ME1: variants seen among roughly 807,000 people sequenced by gnomAD.
ME1 encodes NADP-dependent malic enzyme.
In ME1, 74 loss-of-function variants were observed where a neutral mutation model predicts 66.4. The ratio of observed to expected loss-of-function variants is 1.11; its 90% CI spans 0.92 to 1.35. The LOEUF is 1.35. Among genes scored for constraint, ME1 ranks in the 40% most tolerant of loss-of-function variants. The probability of loss-of-function intolerance (pLI) is 0.00; values close to 1 mark genes in which losing one functional copy is unlikely to be tolerated. For missense variants in ME1, 750 were observed against 694.1 expected, an observed-to-expected ratio of 1.08 and a Z score of -0.90; for synonymous variants, 251 against 235.6, an observed-to-expected ratio of 1.07 and a Z score of -0.60.
intron 6 of ME1, among the ~76,000 whole-genome samples, chr6:83,281,001 A>G (rs1583354713): frequency 6.6e-6 from 1 of 152,250 alleles, no homozygotes; most frequent in East Asian, 1.9e-4. Context: ...TCTCACAAAT[A>G]AAATGAAGTC....
At chr6:83,244,124 TA>T (rs1790570764) in intron 7 of ME1, among the ~76,000 whole-genome samples, 1 of 151,664 alleles carries the variant, frequency 6.6e-6, no homozygotes, top group Admixed American at 6.6e-5. Context: ...TTCTCCTACT[TA>T]AAGAGCACTG....
chr6:83,211,862 C>A lies in ME1; in HGVS notation c.*62G>T. On this transcript the variant is annotated 3_prime_UTR_variant, in exon 14 of 14. Transcript: ENST00000369705. ...ATGAATCATTATAAAAGATTCCAACCTTTAAAAATTATGAAAGGTTTAAAG... is the reference window on the plus strand; with the variant it reads ...ATGAATCATTATAAAAGATTCCAACATTTAAAAATTATGAAAGGTTTAAAG... The A allele has an allele frequency of 8.6e-7, 1 of 1,165,232 alleles. No individual in the cohort carries two copies. The highest frequency in any genetic ancestry group is 2.7e-5 in the East Asian group (1 of 36,604). 72.2% of individuals were successfully genotyped at this position (1,165,232 alleles called of 1,614,324 possible). A position where few individuals can be genotyped will look rare whatever the true frequency, so the allele number is the denominator to read the frequency against.
intron 4 of ME1, among the ~76,000 whole-genome samples, chr6:83,350,577 C>T (rs538027998): frequency 6.6e-6 from 1 of 152,158 alleles, no homozygotes; most frequent in African/African-American, 2.4e-5. Flanking sequence ...GTGATCCTCC[C>T]ACCTCAGCCT....
intron 12 of ME1, among the ~76,000 whole-genome samples, chr6:83,218,996 A>T (rs1359693735): frequency 6.6e-6 from 1 of 152,230 alleles, no homozygotes; most frequent in African/African-American, 2.4e-5. Context: ...ACTCAGAATA[A>T]TGCCTAGCAT....
chr6:83,313,141 A>G (rs1293119731), intron 6 of ME1, among the ~76,000 whole-genome samples: 1 of 152,180 alleles, frequency 6.6e-6, no homozygotes, highest in East Asian at 1.9e-4. Flanking sequence ...AATTTAAGTT[A>G]TGTTTCTTTT....
intron 2 of ME1, 31 bp downstream of exon 2, chr6:83,407,737 A>G (rs1769973081): frequency 2.0e-6 from 3 of 1,537,378 alleles, no homozygotes; most frequent in Non-Finnish European, 2.6e-6. Flanking sequence ...GCATAAGAGA[A>G]ATATAAAAAC....
chr6:83,386,793 T>G (rs943536266), intron 3 of ME1, among the ~76,000 whole-genome samples: 8 of 150,542 alleles, frequency 5.3e-5, no homozygotes, highest in Non-Finnish European at 1.0e-4. Flanking sequence ...ATATGATTAG[T>G]GCCCTTTATA....
chr6:83,296,446 G>A (rs368491075), intron 6 of ME1, among the ~76,000 whole-genome samples: 2 of 152,080 alleles, frequency 1.3e-5, no homozygotes, highest in East Asian at 1.9e-4. Flanking sequence ...ATGCAGAAAA[G>A]GCTATCGATA....
At chr6:83,239,730 G>T in intron 7 of ME1, 94 bp from the exon 8 acceptor site, 1 of 855,884 alleles carries the variant, frequency 1.2e-6, no homozygotes, top group Non-Finnish European at 1.9e-6. Context: ...CATAAAACAG[G>T]TTAACTGGTA....
At chr6:83,397,383 C>G (rs1359371300) in intron 3 of ME1, among the ~76,000 whole-genome samples, 1 of 152,126 alleles carries the variant, frequency 6.6e-6, no homozygotes, top group East Asian at 1.9e-4. Context: ...AATTGCTCAA[C>G]ATCACTAATC....
At chr6:83,220,851 T>C (rs943704250) in intron 12 of ME1, among the ~76,000 whole-genome samples, 7 of 152,134 alleles carry the variant, frequency 4.6e-5, no homozygotes, top group Non-Finnish European at 1.0e-4. Context: ...TATGGAAGAC[T>C]CTCTGTCTTT....
chr6:83,312,746 G>A (rs563917615), intron 6 of ME1, among the ~76,000 whole-genome samples: 131 of 151,978 alleles, frequency 8.6e-4, no homozygotes, highest in African/African-American at 3.1e-3. Context: ...ATCCCAATGG[G>A]TACTCCTTTT....
intron 3 of ME1, among the ~76,000 whole-genome samples, chr6:83,361,490 G>A (rs1769005938): frequency 6.6e-6 from 1 of 152,220 alleles, no homozygotes; most frequent in Non-Finnish European, 1.5e-5. Context: ...AGGCTGCTGT[G>A]CCAGCTCCTC....
At chr6:83,265,661 TTGTTTTATTG>T (rs1466598173) in intron 6 of ME1, among the ~76,000 whole-genome samples, 2 of 152,138 alleles carry the variant, frequency 1.3e-5, no homozygotes, top group African/African-American at 4.8e-5. Flanking sequence ...ATTGTAGTAT[TTGTTTTATTG>T]TGGTTGTCTG....
Position 83,297,591 on chromosome 6 carries a change from T to A in ME1, c.704+17719A>T, listed in dbSNP as rs186212172. 1.7e-3 allele frequency among the ~76,000 whole-genome samples: 197 copies of A among 117,514 alleles called. 2 individuals are homozygous for A. The highest frequency in any genetic ancestry group is 3.0e-3 in the African/African-American group (69 of 22,764). The allele number at this position is 117,514 out of a possible 152,430, so 77.1% of individuals were successfully genotyped here. On this transcript the variant is annotated intron_variant, in intron 6 of 13. Transcript: ENST00000369705. ...ACGACCATCTAATCTTCTTTTTTTT[T>A]AAATATTATTTAAGTTCCAGGATAC...
intron 3 of ME1, among the ~76,000 whole-genome samples, chr6:83,380,515 G>T (rs1175416452): frequency 2.6e-5 from 4 of 151,852 alleles, no homozygotes; most frequent in Non-Finnish European, 5.9e-5. Context: ...GTGGCAATGG[G>T]GATTGAAAGG....
chr6:83,422,655 C>A (rs1045930757), intron 1 of ME1, among the ~76,000 whole-genome samples: 1 of 151,938 alleles, frequency 6.6e-6, no homozygotes, highest in Non-Finnish European at 1.5e-5. Context: ...AAAGCTATAC[C>A]AAATGGAAAT....
At chr6:83,256,802 C>T (rs936232275) in intron 6 of ME1, among the ~76,000 whole-genome samples, 3 of 152,106 alleles carry the variant, frequency 2.0e-5, no homozygotes, top group East Asian at 1.9e-4. Flanking sequence ...AAATGCCCAT[C>T]AGTGATAGAC....
At chr6:83,239,469 G>A in intron 8 of ME1, 70 bp downstream of exon 8, 4 of 1,055,632 alleles carry the variant, frequency 3.8e-6, no homozygotes, top group Non-Finnish European at 4.3e-6. Context: ...GTCAAATCTT[G>A]AGTTAATGAG....
Sources: allele counts gnomAD v4.1 joint callset (sites outside exome capture counted in the v4.1 genomes callset), GRCh38; gene constraint gnomAD v4.1.1; transcripts MANE v1.5; gene names NCBI Gene and HGNC (gene_info 2026-07-23, HGNC 2026-07-21).